The following HACE1 variants were observed in gnomAD, a reference collection of about 807,000 sequenced individuals.
HACE1 encodes the protein E3 ubiquitin-protein ligase HACE1.
A neutral mutation model predicts 118.4 loss-of-function variants in HACE1; 73 were observed. The observed-to-expected ratio is 0.62, with a 90% CI of 0.51 to 0.75. HACE1 has a LOEUF of 0.75. Among genes scored for constraint, HACE1 ranks in the 30% least tolerant of loss-of-function variants. The pLI is 0.00. For missense variants in HACE1, 749 were observed against 1,102.2 expected (o/e 0.68, Z 4.54); for synonymous variants, 368 against 374.8 (o/e 0.98, Z 0.21).
chr6:104,756,213 C>A (rs1203840434), intron 19 of HACE1, among the ~76,000 whole-genome samples: 1 of 151,760 alleles, frequency 6.6e-6, no homozygotes, highest in Non-Finnish European at 1.5e-5. Flanking sequence ...GAGTTCTAGA[C>A]CAGCTGGGCC....
intron 22 of HACE1, among the ~76,000 whole-genome samples, chr6:104,737,127 A>C (rs1369229129): frequency 1.3e-5 from 2 of 151,374 alleles, no homozygotes; most frequent in African/African-American, 4.8e-5. Flanking sequence ...CTACTAAAAA[A>C]AAAAAAATAC....
chr6:104,802,703 A>G (rs535871780), intron 7 of HACE1, among the ~76,000 whole-genome samples: 8 of 152,224 alleles, frequency 5.3e-5, no homozygotes, highest in African/African-American at 1.9e-4. Flanking sequence ...TCTCTGGGAC[A>G]CATTTAAAGC....
chr6:104,858,839 CCTT>C (rs1260120994), intron 1 of HACE1, among the ~76,000 whole-genome samples: 1 of 152,162 alleles, frequency 6.6e-6, no homozygotes, highest in Non-Finnish European at 1.5e-5. Flanking sequence ...TATTTTCTCT[CCTT>C]GTTATTAGCA....
chr6:104,780,851 A>G (rs1414816749), intron 14 of HACE1, among the ~76,000 whole-genome samples: 1 of 152,070 alleles, frequency 6.6e-6, no homozygotes, highest in Non-Finnish European at 1.5e-5. Context: ...CATTTCTTCA[A>G]TGTTTTCTTA....
chr6:104,812,499 A>G (rs1771735247), intron 6 of HACE1, among the ~76,000 whole-genome samples: 2 of 152,156 alleles, frequency 1.3e-5, no homozygotes, highest in Admixed American at 6.6e-5. Flanking sequence ...TGGATTGAAC[A>G]CATCTGTTCA....
rs146674316 is a variant in HACE1 at position 104,838,405 on chromosome 6, A to C, written c.402+4818T>G. 2.8e-4 allele frequency among the ~76,000 whole-genome samples: 43 copies of C among 152,252 alleles called. 1 individual carries two copies. The East Asian group carries it at 7.9e-3, about 28-fold the overall frequency. On this transcript the variant is annotated intron_variant, in intron 5 of 23. Transcript: ENST00000262903. ...ACAGAGAACCCAGAAATAAATCCAC[A>C]CATCTACAGTGAACTCATTTTCTAC... is the stretch of plus-strand genomic sequence containing the variant.
rs962432124 is a variant in HACE1 at position 104,791,369 on chromosome 6, C to T, written c.1074+135G>A. 6 of 751,682 alleles carry T rather than the reference C, an allele frequency of 8.0e-6. No homozygotes were observed. In the East Asian group the frequency reaches 1.0e-4, roughly 13 times the overall value. The allele number at this position is 751,682 out of a possible 1,614,324, so 46.6% of individuals were successfully genotyped here. ...ACAGAGTTGAGAGGAGAAAGGTGTG[C>T]CTAATTTTGAAAGTGATATGGGTAT... On this transcript the variant is annotated intron_variant, in intron 11 of 23. Coordinates refer to ENST00000262903, the MANE Select transcript of HACE1 (RefSeq NM_020771.4).
chr6:104,830,875 T>TCC (rs2115071620), intron 6 of HACE1, among the ~76,000 whole-genome samples: 1 of 150,920 alleles, frequency 6.6e-6, no homozygotes, highest in Non-Finnish European at 1.5e-5. Flanking sequence ...GGTTCACCTC[T>TCC]CCTTAAGCTA....
rs749053775 is a variant in HACE1, at chr6:104,730,415, A to T, written c.2515T>A (p.Ser839Thr). 7.2e-7 allele frequency: 1 copy of T among 1,381,820 alleles called. No individual in the cohort carries two copies. The highest frequency in any genetic ancestry group is 1.7e-5 in the Admixed American group (1 of 59,752). 85.6% of individuals were successfully genotyped at this position (1,381,820 alleles called of 1,614,324 possible). Residue 839 changes from serine to threonine, a missense_variant and splice_region_variant, in exon 23 of 24, where the codon TCC (serine) becomes ACC (threonine). Physicochemically the swap from Ser to Thr is moderately conservative, Grantham distance 58 (BLOSUM62 1). This residue lies in a region of HACE1 where 165 missense variants were observed against 229.9 expected (regional missense o/e 0.72). Coordinates refer to ENST00000262903, the MANE Select transcript of HACE1 (RefSeq NM_020771.4). Reference sequence around the variant, plus strand: ...GCAAACCCACCATGTGGGACCCTGGAACTAAGAGTTTATATCTTAATACAT... The same window carrying T: ...GCAAACCCACCATGTGGGACCCTGGTACTAAGAGTTTATATCTTAATACAT... ...VLLLQFVTGS[S>T]RVPHGGFANI...
At chr6:104,834,494 AT>A (rs1205927281) in intron 5 of HACE1, among the ~76,000 whole-genome samples, 1 of 152,028 alleles carries the variant, frequency 6.6e-6, no homozygotes, top group African/African-American at 2.4e-5. Flanking sequence ...TTTTCACATG[AT>A]TTTTTTTCAT....
chr6:104,811,649 G>T (rs1469873098), intron 6 of HACE1, among the ~76,000 whole-genome samples: 1 of 152,096 alleles, frequency 6.6e-6, no homozygotes, highest in African/African-American at 2.4e-5. Context: ...CTTTAGAGCA[G>T]CACTGTATCA....
At chr6:104,765,662 C>A (rs1337121255) in intron 19 of HACE1, among the ~76,000 whole-genome samples, 3 of 152,144 alleles carry the variant, frequency 2.0e-5, no homozygotes, top group Non-Finnish European at 2.9e-5. Flanking sequence ...GTTGAAAAGT[C>A]AGAGTTCCCT....
intron 4 of HACE1, chr6:104,845,893 C>T (rs762422944): frequency 2.0e-5 from 3 of 152,064 alleles, no homozygotes; most frequent in South Asian, 2.1e-4. Context: ...CCAGATAGTC[C>T]CATTAAAATA....
chr6:104,795,442 C>G, intron 10 of HACE1, 137 bp downstream of exon 10: 1 of 696,016 alleles, frequency 1.4e-6, no homozygotes, highest in Non-Finnish European at 2.6e-6. Context: ...TCCTTTCAAA[C>G]AAAACAAACC....
Position 104,814,456 on chromosome 6 carries a change from T to G in HACE1, c.535-3063A>C, listed in dbSNP as rs561980429. Reference sequence around the variant, plus strand: ...ACACTATTATTCAAATAGATGGTTATAAATAAAAAACATGTTTAACTATTT... The same window carrying G: ...ACACTATTATTCAAATAGATGGTTAGAAATAAAAAACATGTTTAACTATTT... On this transcript the variant is annotated intron_variant, in intron 6 of 23. Transcript: ENST00000262903. 1.4e-5 allele frequency among the ~76,000 whole-genome samples: 2 copies of G among 139,054 alleles called. 1 individual carries two copies. Among genetic ancestry groups the G allele is most frequent in the African/African-American group, 5.7e-5 (2 of 34,952 alleles). 91.2% of individuals were successfully genotyped at this position (139,054 alleles called of 152,430 possible).
rs1200228392 is a variant in HACE1 at position 104,785,291 on chromosome 6, T to A, written c.1103A>T (p.Asp368Val). The A allele has an allele frequency of 6.2e-7, 1 of 1,608,948 alleles. No individual in the cohort carries two copies. Among genetic ancestry groups the A allele is most frequent in the Non-Finnish European group, 8.5e-7 (1 of 1,175,718 alleles). Reference sequence around the variant, plus strand: ...TGTGGCTATTAAAACTAGCCATTCATCTAACGAGTGCCAAAGCAATTCCAG... The same window carrying A: ...TGTGGCTATTAAAACTAGCCATTCAACTAACGAGTGCCAAAGCAATTCCAG... ...KPLELLWHSL[D>V]EWLVLIATEL... Residue 368 changes from aspartate to valine, a missense_variant, in exon 12 of 24, where the codon GAT becomes GTT. Physicochemically the swap from Asp to Val is radical, Grantham distance 152. Coordinates refer to ENST00000262903, the MANE Select transcript of HACE1 (RefSeq NM_020771.4).
chr6:104,776,703 C>G (rs745327770), intron 17 of HACE1, 38 bp downstream of exon 17: 2 of 1,168,134 alleles, frequency 1.7e-6, no homozygotes, highest in South Asian at 2.4e-5. Flanking sequence ...AAAAATGTGA[C>G]AAGTTGCAGA....
chr6:104,743,630 T>C lies in HACE1; in HGVS notation c.2513+530A>G, dbSNP rs1777076925. Among the ~76,000 whole-genome samples the C allele has an allele frequency of 2.0e-5, 3 of 151,980 alleles. No homozygotes were observed. The South Asian group carries it at 6.2e-4, about 31-fold the overall frequency. ...ATGGTTAAATCATCTAGTTTTCTAA[T>C]ATCTATTATATTTAACTGGTTCCAA... On this transcript the variant is annotated intron_variant, in intron 22 of 23. Coordinates refer to ENST00000262903, the MANE Select transcript of HACE1 (RefSeq NM_020771.4).
intron 17 of HACE1, among the ~76,000 whole-genome samples, chr6:104,774,393 CTTTTT>C (rs1160033149): frequency 1.4e-5 from 1 of 73,756 alleles, no homozygotes; most frequent in Admixed American, 1.3e-4. Flanking sequence ...CCCGGCCTCT[CTTTTT>C]TTTTTGAGAC....
Sources: gnomAD v4.1 joint callset for allele counts (sites outside exome capture counted in the v4.1 genomes callset) on GRCh38, gnomAD v4.1.1 for gene constraint, gnomAD v4.1.1 regional missense constraint, MANE v1.5 for transcripts, NCBI Gene and HGNC (gene_info 2026-07-23, HGNC 2026-07-21) for gene names.